The following LRP1 variants were observed in gnomAD, a reference collection of about 807,000 sequenced individuals.
LRP1 encodes LDL receptor related protein 1, also known as prolow-density lipoprotein receptor-related protein 1.
A neutral mutation model predicts 541.5 loss-of-function variants in LRP1; 51 were observed. That is an observed-to-expected ratio of 0.09 (90% CI 0.08 to 0.12). LRP1 has a LOEUF of 0.12. Among genes scored for constraint, LRP1 ranks in the 10% least tolerant of loss-of-function variants. LRP1 has a pLI of 1.00. For missense variants in LRP1, 3,878 were observed against 6,376.2 expected, an observed-to-expected ratio of 0.61 and a Z score of 13.34; for synonymous variants, 2,219 against 2,470.8, an observed-to-expected ratio of 0.90 and a Z score of 3.02.
At chr12:57,200,145 C>A in intron 62 of LRP1, 120 bp downstream of exon 62, 3 of 844,782 alleles carry the variant, frequency 3.6e-6, no homozygotes, top group South Asian at 1.8e-5. Context: ...CACACTAACA[C>A]CCCCACATTT....
Position 57,162,612 on chromosome 12 carries a change from C to A in LRP1, c.2404+94C>A, listed in dbSNP as rs142527223. ...ACTTCCCTGGGAGTGAAGGCACTTC[C>A]CAGGGATCCTAGGCTCTGACTTTTG... On this transcript the variant is annotated intron_variant, in intron 14 of 88. Transcript: ENST00000243077. The surrounding 1 kb of genome is among the most constrained non-coding windows in gnomAD (Gnocchi z 5.2). The A allele has an allele frequency of 2.0e-5, 29 of 1,415,740 alleles. 1 individual carries two copies. In the African/African-American group the frequency reaches 3.5e-4, roughly 17 times the overall value. 87.7% of individuals were successfully genotyped at this position (1,415,740 alleles called of 1,614,324 possible).
Position 57,185,758 on chromosome 12 carries a change from G to A in LRP1, c.6691G>A (p.Glu2231Lys), listed in dbSNP as rs764626501. ...NAPVQPFEDP[E>K]HMKNVIALAF... ...GCCCGTGCAGCCCTTCGAGGACCCT[G>A]AGCACATGAAGAACGTCATCGCCCT... Residue 2231 changes from glutamate to lysine, a missense_variant, in exon 41 of 89, where the codon GAG becomes AAG. By Grantham distance (56) the Glu-to-Lys change is moderately conservative. Transcript: ENST00000243077. This position sits in a 1 kb window ranked among gnomAD's most constrained non-coding sequence, Gnocchi z 4.9. 6.2e-7 allele frequency: 1 copy of A among 1,614,206 alleles called. No individual in the cohort carries two copies. Among genetic ancestry groups the A allele is most frequent in the South Asian group, 1.1e-5 (1 of 91,088 alleles).
At position 57,145,300 on chromosome 12, in the gene LRP1, C is replaced by T. The variant is rs2035380667; in HGVS notation, c.651C>T (p.Ala217=). 6.2e-7 allele frequency: 1 copy of T among 1,614,102 alleles called. No individual in the cohort carries two copies. Among genetic ancestry groups the T allele is most frequent in the Non-Finnish European group, 8.5e-7 (1 of 1,179,972 alleles). The change falls in exon 6 of 89, where the codon GCC becomes GCT. Residue 217 remains alanine, a synonymous_variant. Coordinates refer to ENST00000243077, the MANE Select transcript of LRP1 (RefSeq NM_002332.3). ...QNILATYLSG[A]QVSTITPTST... is the part of the protein sequence containing the mutation. ...TCTTGGCCACGTACCTGAGTGGGGCCCAGGTGTCTACCATCACACCTACGA... is the reference window on the plus strand; with the variant it reads ...TCTTGGCCACGTACCTGAGTGGGGCTCAGGTGTCTACCATCACACCTACGA...
Position 57,173,306 on chromosome 12 carries a change from C to A in LRP1, c.3302C>A (p.Thr1101Asn), listed in dbSNP as rs141210588. Reference protein sequence around the residue: ...SSDEKSCEGVTHVCDPSVKFG... With the variant: ...SSDEKSCEGVNHVCDPSVKFG... The stretch of plus-strand genomic sequence containing the variant: ...GATGAGAAGAGCTGTGAGGGAGTGA[C>A]CCACGTCTGCGATCCCAGTGTCAAG... Residue 1101 changes from threonine to asparagine, a missense_variant, in exon 21 of 89, where the codon ACC becomes AAC. This residue lies in a region of LRP1 where 320 missense variants were observed against 547.9 expected (regional missense o/e 0.58). Coordinates refer to ENST00000243077, the MANE Select transcript of LRP1 (RefSeq NM_002332.3). This position sits in a 1 kb window ranked among gnomAD's most constrained non-coding sequence, Gnocchi z 4.7. 8 of 1,614,050 alleles carry A rather than the reference C, an allele frequency of 5.0e-6. No homozygotes were observed. The highest frequency in any genetic ancestry group is 6.8e-6 in the Non-Finnish European group (8 of 1,179,970).
chr12:57,198,031 C>T lies in LRP1; in HGVS notation c.9283-125C>T, dbSNP rs2036573352. 3 of 774,316 alleles carry T rather than the reference C, an allele frequency of 3.9e-6. No individual in the cohort carries two copies. The Admixed American group carries it at 8.1e-5, about 21-fold the overall frequency. 48.0% of individuals were successfully genotyped at this position (774,316 alleles called of 1,614,324 possible). On this transcript the variant is annotated intron_variant, in intron 58 of 88. Coordinates refer to ENST00000243077, the MANE Select transcript of LRP1 (RefSeq NM_002332.3). ...GACTGGGCATTTTACTTCCATGGTT[C>T]TCCCACCAGAGCTGTCAGAGGGAGC...
chr12:57,171,810 A>AC (rs1332374542), intron 20 of LRP1, among the ~76,000 whole-genome samples: 1 of 152,092 alleles, frequency 6.6e-6, no homozygotes. Flanking sequence ...GTGGGGCTCC[A>AC]CCAGGCAGTG....
intron 10 of LRP1, among the ~76,000 whole-genome samples, chr12:57,157,675 C>G (rs1232574196): frequency 5.3e-5 from 8 of 152,236 alleles, no homozygotes; most frequent in Admixed American, 5.2e-4. Context: ...GCAAGGGCCT[C>G]TCTGAGGATG....
At position 57,201,166 on chromosome 12, in the gene LRP1, G is replaced by C; in HGVS notation, c.10345+13G>C. ...GAGAGGGACTGCCGTGAGTGTCAGA[G>C]GTGGTGGTGGGCCGGTGGTGGGAGA... On this transcript the variant is annotated intron_variant, in intron 65 of 88. Transcript: ENST00000243077. This position sits in a 1 kb window ranked among gnomAD's most constrained non-coding sequence, Gnocchi z 6.4. 3.1e-6 allele frequency: 5 copies of C among 1,613,794 alleles called. No homozygotes were observed. Among genetic ancestry groups the C allele is most frequent in the Non-Finnish European group, 4.2e-6 (5 of 1,179,724 alleles).
rs140549523 is a variant in LRP1 at position 57,162,889 on chromosome 12, C to T, written c.2436C>T (p.Gly812=). ...CCAACAAATGCCGGGTGAACAATGG[C>T]GGCTGCAGCAGCCTGTGCTTGGCCA... ...VGTNKCRVNN[G]GCSSLCLATP... The change falls in exon 15 of 89, where the codon GGC becomes GGT. Residue 812 remains glycine (G), a synonymous_variant. Transcript: ENST00000243077. The surrounding 1 kb of genome is among the most constrained non-coding windows in gnomAD (Gnocchi z 5.2). 3.8e-5 allele frequency: 61 copies of T among 1,607,470 alleles called. 2 individuals carry two copies. In the Middle Eastern group the frequency reaches 7.1e-3, roughly 187 times the overall value.
At chr12:57,200,628 G>C (rs2036629351) in intron 63 of LRP1, 71 bp from the exon 64 acceptor site, 2 of 1,543,774 alleles carry the variant, frequency 1.3e-6, no homozygotes, top group Non-Finnish European at 9.0e-7. Flanking sequence ...GGCTGGGGCT[G>C]TGGTGCCCTG....
chr12:57,138,911 C>A (rs1223256990), intron 2 of LRP1, among the ~76,000 whole-genome samples: 5 of 152,208 alleles, frequency 3.3e-5, no homozygotes, highest in African/African-American at 9.7e-5. Context: ...CCTCCCTGAC[C>A]CTTGATGATT....
chr12:57,180,133 G>T lies in LRP1; in HGVS notation c.5228G>T (p.Gly1743Val), dbSNP rs780297448. The T allele has an allele frequency of 1.2e-6, 2 of 1,613,628 alleles. No homozygotes were observed. The highest frequency in any genetic ancestry group is 1.7e-6 in the Non-Finnish European group (2 of 1,179,948). ...ACCCTGCTCTTCAGTGGCCAGAAGG[G>T]CCCCGTGGGTACGAGCTTCCCTGCC... ...NRTLLFSGQKGPVGLAIDFPE... is the reference protein window; with the variant it reads ...NRTLLFSGQKVPVGLAIDFPE... Residue 1743 changes from glycine to valine, a missense_variant, in exon 31 of 89, where the codon GGC becomes GTC. Gly to Val is a moderately radical substitution (Grantham distance 109). Coordinates refer to ENST00000243077, the MANE Select transcript of LRP1 (RefSeq NM_002332.3).
Position 57,198,552 on chromosome 12 carries a change from C to G in LRP1, c.9558C>G (p.Thr3186=). 1 of 1,614,040 alleles carries G rather than the reference C, an allele frequency of 6.2e-7. No individual in the cohort carries two copies. Among genetic ancestry groups the G allele is most frequent in the African/African-American group, 1.3e-5 (1 of 75,064 alleles). Residue 3186 remains threonine (T), a synonymous_variant, in exon 60 of 89, where the codon ACC becomes ACG. Coordinates refer to ENST00000243077, the MANE Select transcript of LRP1 (RefSeq NM_002332.3). ...CCAGCCGCAGCGTCATCGTGGACAC[C>G]AAGATCACATGGCCCAATGGCCTGA... ...DGSSRSVIVD[T]KITWPNGLTL...
rs191988317 is a variant in LRP1 at position 57,178,022 on chromosome 12, C to T, written c.4362-337C>T. On this transcript the variant is annotated intron_variant, in intron 26 of 88. Transcript: ENST00000243077. This position sits in a 1 kb window ranked among gnomAD's most constrained non-coding sequence, Gnocchi z 5.8. The stretch of plus-strand genomic sequence containing the variant: ...GGAGTGCAGTGGCGCGATCTCGGCT[C>T]ACTGCAGGCTCCGCCCCCCGGGGTT... Among the ~76,000 whole-genome samples, 109 of 150,338 alleles carry T rather than the reference C, an allele frequency of 7.3e-4. No individual in the cohort carries two copies. The highest frequency in any genetic ancestry group is 2.6e-3 in the African/African-American group (104 of 40,750).
chr12:57,147,145 C>T (rs904640623), intron 6 of LRP1, among the ~76,000 whole-genome samples: 3 of 151,752 alleles, frequency 2.0e-5, no homozygotes, highest in African/African-American at 4.8e-5. Context: ...GTCCAGGAGG[C>T]TAGAAGAGTC....
chr12:57,200,831 C>T lies in LRP1; in HGVS notation c.10225+16C>T. The T allele has an allele frequency of 9.6e-7, 1 of 1,046,632 alleles. No homozygotes were observed. The highest frequency in any genetic ancestry group is 1.7e-5 in the African/African-American group (1 of 59,866). 64.8% of individuals were successfully genotyped at this position (1,046,632 alleles called of 1,614,324 possible). ...GCCAACTGTGGTAAGGCGCTGCCCG[C>T]CCACCCTCCCTCCTTCCCCAGCATC... On this transcript the variant is annotated intron_variant, in intron 64 of 88. Transcript: ENST00000243077.
Position 57,178,380 on chromosome 12 carries a change from C to G in LRP1, c.4383C>G (p.Ala1461=), listed in dbSNP as rs761390488. The change falls in exon 27 of 89, where the codon GCC becomes GCG. Residue 1461 remains alanine, a synonymous_variant. Transcript: ENST00000243077. This position sits in a 1 kb window ranked among gnomAD's most constrained non-coding sequence, Gnocchi z 5.8. ...TTAGGTCAGATGCCATTTACTCAGC[C>G]CGTTACGACGGCTCTGGCCACATGG... ...IDARSDAIYS[A]RYDGSGHMEV... 25 of 1,613,996 alleles carry G rather than the reference C, an allele frequency of 1.5e-5. No individual in the cohort carries two copies. The African/African-American group carries it at 2.7e-4, about 17-fold the overall frequency.
chr12:57,163,954 T>G (rs532356970), intron 15 of LRP1, among the ~76,000 whole-genome samples: 3 of 152,144 alleles, frequency 2.0e-5, no homozygotes, highest in Non-Finnish European at 4.4e-5. Flanking sequence ...GTGAATCACT[T>G]GAGGTCAGGA....
chr12:57,179,028 G>C lies in LRP1; in HGVS notation c.4738+7G>C, dbSNP rs2136702929. 1 of 1,612,572 alleles carries C rather than the reference G, an allele frequency of 6.2e-7. No individual in the cohort carries two copies. Among genetic ancestry groups the C allele is most frequent in the East Asian group, 2.2e-5 (1 of 44,860 alleles). ...GACAACACCACCTGCTATGGTAGGA[G>C]CCCCTCCCTCCAGAGCCAGTGAGCA... On this transcript the variant is annotated splice_region_variant and intron_variant, in intron 28 of 88. Transcript: ENST00000243077. This position sits in a 1 kb window ranked among gnomAD's most constrained non-coding sequence, Gnocchi z 6.8.
Sources: gnomAD v4.1 joint callset for allele counts (sites outside exome capture counted in the v4.1 genomes callset) on GRCh38, gnomAD v4.1.1 for gene constraint, gnomAD v4.1.1 regional missense constraint, Gnocchi (gnomAD v3.1) non-coding constraint, MANE v1.5 for transcripts, NCBI Gene and HGNC (gene_info 2026-07-23, HGNC 2026-07-21) for gene names.